Variants in AR observed in about 807,000 individuals in gnomAD.
AR encodes the protein androgen receptor, also known as dihydrotestosterone receptor.
AR carries 8 observed loss-of-function variants against 53.9 expected under a neutral mutation model. That is an observed-to-expected ratio of 0.15 (90% CI 0.09 to 0.27). The LOEUF (loss-of-function observed/expected upper bound fraction) is 0.27. Among genes scored for constraint, AR ranks in the 10% least tolerant of loss-of-function variants. AR has a pLI of 1.00. For synonymous variants in AR, 359 were observed against 316.4 expected, an observed-to-expected ratio of 1.13 and a Z score of -1.43; for missense variants, 639 against 742.5, an observed-to-expected ratio of 0.86 and a Z score of 1.62.
intron 2 of AR, among the ~76,000 whole-genome samples, chrX:67,670,442 C>T (rs950510287): frequency 6.7e-5 from 7 of 104,128 alleles, no homozygotes; most frequent in Non-Finnish European, 1.2e-4. Context: ...TAAAGAAACA[C>T]GCTGCCTGAA....
Position 67,724,044 on chromosome X carries a change from A to T in AR, c.*203A>T, listed in dbSNP as rs2076148460. ...CCTTTCTTTTTCTTCTTCCCTCCCT[A>T]TCTAACCCTCCCATGGCACCTTCAG... On this transcript the variant is annotated 3_prime_UTR_variant, in exon 8 of 8. Coordinates refer to ENST00000374690, the MANE Select transcript of AR (RefSeq NM_000044.6). The T allele has an allele frequency of 2.1e-6, 1 of 483,433 alleles. No individual in the cohort carries two copies. The allele number at this position is 483,433 out of a possible 1,213,427, so 39.8% of individuals were successfully genotyped here.
chrX:67,551,013 T>TTTTG (rs1480917743), intron 1 of AR, among the ~76,000 whole-genome samples: 58 of 103,972 alleles, frequency 5.6e-4, no homozygotes, highest in Non-Finnish European at 1.1e-3. Context: ...TTTTTTTTTT[T>TTTTG]TTTTTTTTTT....
intron 1 of AR, among the ~76,000 whole-genome samples, chrX:67,548,780 T>C (rs187342212): frequency 2.4e-3 from 273 of 112,419 alleles, no homozygotes; most frequent in African/African-American, 8.2e-3. Flanking sequence ...GAAAAAAGCT[T>C]CTTTATGAGG....
chrX:67,729,367 A>G lies in AR; in HGVS notation c.*5526A>G, dbSNP rs1211182869. 5 of 173,469 alleles carry G rather than the reference A, an allele frequency of 2.9e-5. No homozygotes were observed. The East Asian group carries it at 3.3e-4, about 11-fold the overall frequency. The allele number at this position is 173,469 out of a possible 1,213,427, so 14.3% of individuals were successfully genotyped here. A position where few individuals can be genotyped will look rare whatever the true frequency, so the allele number is the denominator to read the frequency against. ...AGGTGAAGGCAGAAAAATCCACATT[A>G]GTTACTCCTCTTCAGACATTTCAGC... On this transcript the variant is annotated 3_prime_UTR_variant, in exon 8 of 8. Coordinates refer to ENST00000374690, the MANE Select transcript of AR (RefSeq NM_000044.6).
intron 1 of AR, among the ~76,000 whole-genome samples, chrX:67,582,732 G>A (rs1922351818): frequency 9.0e-6 from 1 of 111,380 alleles, no homozygotes; most frequent in Non-Finnish European, 1.9e-5. Context: ...TGAAGGCCAG[G>A]AATCTGTATT....
chrX:67,634,992 C>T (rs1293571396), intron 1 of AR, among the ~76,000 whole-genome samples: 2 of 109,126 alleles, frequency 1.8e-5, no homozygotes, highest in Non-Finnish European at 3.8e-5. Flanking sequence ...CCCTTGCCTT[C>T]TCTCTGTCTC....
intron 3 of AR, among the ~76,000 whole-genome samples, chrX:67,708,331 T>C (rs1056467908): frequency 9.0e-6 from 1 of 111,636 alleles, no homozygotes; most frequent in Non-Finnish European, 1.9e-5. Flanking sequence ...CTTGGAGGCT[T>C]TGTTCGTTTC....
chrX:67,655,770 A>G (rs1049068921), intron 2 of AR, among the ~76,000 whole-genome samples: 2 of 111,727 alleles, frequency 1.8e-5, no homozygotes, highest in African/African-American at 6.5e-5. Context: ...ACATGAGATA[A>G]GGCAACTTGA....
intron 1 of AR, among the ~76,000 whole-genome samples, chrX:67,636,201 A>G (rs1206067271): frequency 2.7e-5 from 3 of 110,851 alleles, no homozygotes; most frequent in Non-Finnish European, 5.7e-5. Flanking sequence ...CAGCCACATA[A>G]TAGGAGCTTA....
At chrX:67,717,643 G>C (rs2147531273) in intron 5 of AR, 21 bp downstream of exon 5, 1 of 1,211,707 alleles carries the variant, frequency 8.3e-7, no homozygotes, top group Non-Finnish European at 1.1e-6. Context: ...CTGGGGCCCA[G>C]ACCTCACTAA....
At chrX:67,717,714 AG>A in intron 5 of AR, 92 bp downstream of exon 5, 1 of 1,131,518 alleles carries the variant, frequency 8.8e-7, no homozygotes, top group Non-Finnish European at 1.2e-6. Flanking sequence ...AGTGAAGCTT[AG>A]CTCATTTGAT....
Position 67,725,922 on chromosome X carries a change from G to A in AR, c.*2081G>A, listed in dbSNP as rs899783465. The A allele has an allele frequency of 5.7e-6, 1 of 175,870 alleles. No homozygotes were observed. The highest frequency in any genetic ancestry group is 1.1e-5 in the Non-Finnish European group (1 of 91,794). 14.5% of individuals were successfully genotyped at this position (175,870 alleles called of 1,213,427 possible). A position where few individuals can be genotyped will look rare whatever the true frequency, so the allele number is the denominator to read the frequency against. ...TTCAAGCCCAAGTGCAAGGGAAAAT[G>A]TCCACCTACTTTCTCATCTTGGCCT... On this transcript the variant is annotated 3_prime_UTR_variant, in exon 8 of 8. Transcript: ENST00000374690.
At position 67,711,386 on chromosome X, in the gene AR, T is replaced by G. The variant is rs765758276; in HGVS notation, c.1886-16T>G. 1 of 1,180,023 alleles carries G rather than the reference T, an allele frequency of 8.5e-7. No homozygotes were observed. The highest frequency in any genetic ancestry group is 1.9e-5 in the South Asian group (1 of 53,385). Reference sequence around the variant, plus strand: ...ACCACTGATGATAAATTCAAGTCTCTCTTCCTTCCCAATAGCCCGGAAGCT... The same window carrying G: ...ACCACTGATGATAAATTCAAGTCTCGCTTCCTTCCCAATAGCCCGGAAGCT... On this transcript the variant is annotated splice_polypyrimidine_tract_variant and intron_variant, in intron 3 of 7. Coordinates refer to ENST00000374690, the MANE Select transcript of AR (RefSeq NM_000044.6).
chrX:67,686,657 C>T (rs902091277), intron 3 of AR, among the ~76,000 whole-genome samples: 1 of 111,903 alleles, frequency 8.9e-6, no homozygotes, highest in African/African-American at 3.2e-5. Flanking sequence ...TAGGCTGCCA[C>T]ACAGAGCCAA....
intron 1 of AR, among the ~76,000 whole-genome samples, chrX:67,628,049 A>G (rs1197102534): frequency 9.0e-6 from 1 of 111,634 alleles, no homozygotes; most frequent in Non-Finnish European, 1.9e-5. Flanking sequence ...GCCTTGTAGT[A>G]TAGTTAGAAG....
chrX:67,692,251 C>T (rs2075998784), intron 3 of AR, among the ~76,000 whole-genome samples: 1 of 112,263 alleles, frequency 8.9e-6, no homozygotes, highest in African/African-American at 3.2e-5. Flanking sequence ...TTCTTCCATT[C>T]TCCTTTGATT....
At chrX:67,693,123 A>G (rs186559793) in intron 3 of AR, among the ~76,000 whole-genome samples, 18 of 113,048 alleles carry the variant, frequency 1.6e-4, no homozygotes, top group Admixed American at 2.8e-4. Flanking sequence ...AGAGCGAAGT[A>G]AATTTTTCTA....
chrX:67,711,357 T>A, intron 3 of AR, 45 bp from the exon 4 acceptor site: 1 of 1,161,948 alleles, frequency 8.6e-7, no homozygotes, highest in Non-Finnish European at 1.2e-6. Context: ...ATTGTGTGTT[T>A]TTGACCACTG....
At chrX:67,587,174 C>G (rs988387603) in intron 1 of AR, among the ~76,000 whole-genome samples, 3 of 112,246 alleles carry the variant, frequency 2.7e-5, no homozygotes, top group African/African-American at 9.7e-5. Flanking sequence ...CTTCCTAGCT[C>G]CTAGTCCATT....
Sources: allele counts gnomAD v4.1 joint callset (sites outside exome capture counted in the v4.1 genomes callset), GRCh38; gene constraint gnomAD v4.1.1; transcripts MANE v1.5; gene names NCBI Gene and HGNC (gene_info 2026-07-23, HGNC 2026-07-21).